Variants in ZNF507 observed in about 807,000 individuals in gnomAD.
ZNF507 encodes zinc finger protein 507.
A neutral mutation model predicts 80.0 loss-of-function variants in ZNF507; 29 were observed. The ratio of observed to expected loss-of-function variants is 0.36; its 90% confidence interval spans 0.27 to 0.49. The LOEUF (loss-of-function observed/expected upper bound fraction) is 0.49. ZNF507 is among the 20% of genes least tolerant of loss of function. The pLI is 0.98. For missense variants in ZNF507, 1,081 were observed against 1,152.2 expected, an observed-to-expected ratio of 0.94 and a Z score of 0.90; for synonymous variants, 462 against 422.5, an observed-to-expected ratio of 1.09 and a Z score of -1.15.
rs1298986849 is a variant in ZNF507 at position 32,385,113 on chromosome 19, C to G, written c.*2030C>G. ...GAAGGATTTTGTCTTAGAAAATTTC[C>G]TTGGCTTTAGTTTTATATCATATTT... On this transcript the variant is annotated 3_prime_UTR_variant, in exon 7 of 7. Coordinates refer to ENST00000355898, the MANE Select transcript of ZNF507 (RefSeq NM_001136156.2). 6.6e-6 allele frequency: 1 copy of G among 152,044 alleles called. No homozygotes were observed. The highest frequency in any genetic ancestry group is 1.9e-4 in the East Asian group (1 of 5,188). 9.4% of individuals were successfully genotyped at this position (152,044 alleles called of 1,614,324 possible).
chr19:32,356,229 T>C (rs901807868), intron 3 of ZNF507, among the ~76,000 whole-genome samples: 1 of 152,206 alleles, frequency 6.6e-6, no homozygotes, highest in Non-Finnish European at 1.5e-5. Flanking sequence ...CATTTAGATA[T>C]TTCAATGAAA....
At chr19:32,358,591 A>C (rs935420036) in intron 4 of ZNF507, 1 of 152,240 alleles carries the variant, frequency 6.6e-6, no homozygotes. Context: ...CAGGAGCTCA[A>C]ATAGAGCCGC....
At chr19:32,347,877 T>G (rs1419444422) in intron 2 of ZNF507, among the ~76,000 whole-genome samples, 1 of 152,244 alleles carries the variant, frequency 6.6e-6, no homozygotes, top group Non-Finnish European at 1.5e-5. Flanking sequence ...ATGTGCCAAC[T>G]AAGAAACTCT....
chr19:32,377,427 A>T (rs901140279), intron 5 of ZNF507, among the ~76,000 whole-genome samples: 1 of 152,222 alleles, frequency 6.6e-6, no homozygotes, highest in African/African-American at 2.4e-5. Context: ...TTATGATTAT[A>T]GAGCAAAGAT....
At chr19:32,382,678 A>G in intron 6 of ZNF507, 39 bp from the exon 7 acceptor site, 2 of 1,610,710 alleles carry the variant, frequency 1.2e-6, no homozygotes, top group African/African-American at 1.3e-5. Context: ...CCTACATTGT[A>G]GCCTCCTCAC....
Position 32,352,812 on chromosome 19 carries a change from T to C in ZNF507, c.-2-17T>C. 1 of 1,541,140 alleles carries C rather than the reference T, an allele frequency of 6.5e-7. No homozygotes were observed. Among genetic ancestry groups the C allele is most frequent in the Non-Finnish European group, 8.7e-7 (1 of 1,149,748 alleles). Reference sequence around the variant, plus strand: ...CCTGTAACCTGGTATTTTTCTGTTTTACATTATCCTTTTTAGATATGGAAG... The same window carrying C: ...CCTGTAACCTGGTATTTTTCTGTTTCACATTATCCTTTTTAGATATGGAAG... On this transcript the variant is annotated splice_polypyrimidine_tract_variant and intron_variant, in intron 2 of 6. Transcript: ENST00000355898.
chr19:32,368,919 T>C (rs2145333132), intron 5 of ZNF507, among the ~76,000 whole-genome samples: 1 of 152,320 alleles, frequency 6.6e-6, no homozygotes, highest in South Asian at 2.1e-4. Context: ...TCCATCTGCT[T>C]TTTTCCATCT....
intron 2 of ZNF507, among the ~76,000 whole-genome samples, chr19:32,350,024 G>A (rs761710508): frequency 1.1e-4 from 17 of 152,118 alleles, no homozygotes; most frequent in Non-Finnish European, 1.8e-4. Flanking sequence ...CACTGACATT[G>A]TATGTATACT....
intron 5 of ZNF507, among the ~76,000 whole-genome samples, chr19:32,367,417 A>G (rs1484338481): frequency 1.3e-5 from 2 of 152,210 alleles, no homozygotes; most frequent in Non-Finnish European, 2.9e-5. Flanking sequence ...CTCTTCATGT[A>G]TTCTGAGTAC....
At chr19:32,358,664 A>G (rs1967282558) in intron 4 of ZNF507, 1 of 152,194 alleles carries the variant, frequency 6.6e-6, no homozygotes, top group Admixed American at 6.5e-5. Flanking sequence ...TTTATTGGAA[A>G]CCTATAATTT....
chr19:32,354,015 T>C lies in ZNF507; in HGVS notation c.1185T>C (p.Val395=). Residue 395 remains valine (V), a synonymous_variant, in exon 3 of 7, where the codon GTT becomes GTC. Transcript: ENST00000355898. ...GCAGCCCCAATAAAAAAGGGCATGTTAACGTGATAGTGGAGCGATTGCCAA... is the reference window on the plus strand; with the variant it reads ...GCAGCCCCAATAAAAAAGGGCATGTCAACGTGATAGTGGAGCGATTGCCAA... ...ISSSPNKKGH[V]NVIVERLPSA... is the part of the protein sequence containing the mutation. 1 of 1,614,112 alleles carries C rather than the reference T, an allele frequency of 6.2e-7. No homozygotes were observed.
Position 32,360,504 on chromosome 19 carries a change from G to A in ZNF507, c.2246G>A (p.Gly749Glu). 1 of 1,538,604 alleles carries A rather than the reference G, an allele frequency of 6.5e-7. No individual in the cohort carries two copies. The highest frequency in any genetic ancestry group is 8.8e-7 in the Non-Finnish European group (1 of 1,139,764). The change falls in exon 5 of 7, where the codon GGG (glycine) becomes GAG (glutamate). Residue 749 changes from glycine (G) to glutamate (E), a missense_variant and splice_region_variant. Gly to Glu is a moderately conservative substitution (Grantham distance 98). Around this residue, in one of 6 missense-constraint regions of ZNF507, gnomAD observed 40 missense variants for 52.4 expected, o/e 0.76. Transcript: ENST00000355898. ...DTADGKCVQE[G>E]NKSSVQKQYR... is the part of the protein sequence containing the mutation. ...TAAAACTCTGAAATACCTTGTCTAG[G>A]GAATAAGTCTTCAGTCCAGAAACAA...
chr19:32,383,246 T>A lies in ZNF507; in HGVS notation c.*163T>A. On this transcript the variant is annotated 3_prime_UTR_variant, in exon 7 of 7. Coordinates refer to ENST00000355898, the MANE Select transcript of ZNF507 (RefSeq NM_001136156.2). ...GAACCAAACTTGTAATAAAAGGAATTCCAAATGGACAAGCAGTAATGATAT... is the reference window on the plus strand; with the variant it reads ...GAACCAAACTTGTAATAAAAGGAATACCAAATGGACAAGCAGTAATGATAT... 1.1e-6 allele frequency: 1 copy of A among 874,266 alleles called. No homozygotes were observed. The highest frequency in any genetic ancestry group is 2.9e-5 in the Admixed American group (1 of 34,370). 54.2% of individuals were successfully genotyped at this position (874,266 alleles called of 1,614,324 possible).
intron 5 of ZNF507, among the ~76,000 whole-genome samples, chr19:32,366,855 A>G (rs1185873895): frequency 6.6e-6 from 1 of 152,186 alleles, no homozygotes; most frequent in East Asian, 1.9e-4. Flanking sequence ...GTCAGTCTTT[A>G]ATCTTTATTG....
chr19:32,376,775 G>A (rs1452164824), intron 5 of ZNF507, among the ~76,000 whole-genome samples: 2 of 152,120 alleles, frequency 1.3e-5, no homozygotes, highest in African/African-American at 4.8e-5. Context: ...GCCAGGCTGC[G>A]CTGATATTTA....
chr19:32,371,640 AT>A (rs916505857), intron 5 of ZNF507, among the ~76,000 whole-genome samples: 1 of 54,136 alleles, frequency 1.8e-5, no homozygotes, highest in African/African-American at 4.5e-5. Context: ...TATTATTATT[AT>A]TATTTTTTTT....
intron 5 of ZNF507, among the ~76,000 whole-genome samples, chr19:32,381,803 A>G (rs1337663517): frequency 6.6e-6 from 1 of 152,226 alleles, no homozygotes; most frequent in Non-Finnish European, 1.5e-5. Flanking sequence ...AGGAGGACTC[A>G]GTTCTATCTG....
chr19:32,354,903 C>T lies in ZNF507; in HGVS notation c.2073C>T (p.His691=). Reference sequence around the variant, plus strand: ...ATTTGGAGAGTCACATGATCCACCACTGTAAGACAAGAATATACCAGTGCA... The same window carrying T: ...ATTTGGAGAGTCACATGATCCACCATTGTAAGACAAGAATATACCAGTGCA... The part of the protein sequence containing the change: ...SKDLESHMIH[H]CKTRIYQCKQ... Residue 691 remains histidine (H), a synonymous_variant, in exon 3 of 7, where the codon CAC becomes CAT. Transcript: ENST00000355898. 1.2e-6 allele frequency: 2 copies of T among 1,614,050 alleles called. No homozygotes were observed. Among genetic ancestry groups the T allele is most frequent in the Admixed American group, 1.7e-5 (1 of 60,008 alleles).
intron 2 of ZNF507, among the ~76,000 whole-genome samples, chr19:32,350,640 CT>C (rs34473640): frequency 0.019 from 2,938 of 152,190 alleles, 105 homozygotes; most frequent in African/African-American, 0.067. Flanking sequence ...CATGAGTCAC[CT>C]TTGTAACCCT....
Sources: allele counts gnomAD v4.1 joint callset (sites outside exome capture counted in the v4.1 genomes callset), GRCh38; gene constraint gnomAD v4.1.1; regional missense constraint gnomAD v4.1.1; transcripts MANE v1.5; gene names NCBI Gene and HGNC (gene_info 2026-07-23, HGNC 2026-07-21).